The following KIAA1217 variants were observed in gnomAD, a reference collection of about 807,000 sequenced individuals.
The protein encoded by KIAA1217 is KIAA1217, also known as sickle tail protein homolog.
Under a neutral mutation model 163.9 loss-of-function variants are expected in KIAA1217, and 88 were observed. The ratio of observed to expected loss-of-function variants is 0.54; its 90% confidence interval spans 0.45 to 0.64. KIAA1217 has a LOEUF of 0.64. Among genes scored for constraint, KIAA1217 ranks in the 30% least tolerant of loss-of-function variants. The pLI is 0.00. For missense variants in KIAA1217, 2,372 were observed against 2,475.0 expected, an observed-to-expected ratio of 0.96 and a Z score of 0.88; for synonymous variants, 903 against 923.1, an observed-to-expected ratio of 0.98 and a Z score of 0.39.
intron 1 of KIAA1217, among the ~76,000 whole-genome samples, chr10:23,714,684 T>C (rs1837463178): frequency 6.6e-6 from 1 of 152,078 alleles, no homozygotes; most frequent in Non-Finnish European, 1.5e-5. Flanking sequence ...AGTCTTGAGG[T>C]CGTTTTTCTA....
chr10:23,820,935 T>C (rs12265872), intron 1 of KIAA1217, among the ~76,000 whole-genome samples: 1 of 152,150 alleles, frequency 6.6e-6, no homozygotes, highest in Non-Finnish European at 1.5e-5. Context: ...CAAGAGATAT[T>C]CCATTTGCAT....
chr10:24,181,906 A>G (rs1355234251), intron 2 of KIAA1217, among the ~76,000 whole-genome samples: 2 of 152,132 alleles, frequency 1.3e-5, no homozygotes, highest in Non-Finnish European at 1.5e-5. Flanking sequence ...GTTTTGGAGT[A>G]CCTACAGACC....
chr10:24,211,028 C>A (rs1011661130), intron 1 of KIAA1217, among the ~76,000 whole-genome samples: 1 of 151,740 alleles, frequency 6.6e-6, no homozygotes, highest in Non-Finnish European at 1.5e-5. Context: ...ATGTAAAGTG[C>A]ACATTTAACT....
intron 1 of KIAA1217, among the ~76,000 whole-genome samples, chr10:23,771,569 A>G (rs1428864056): frequency 2.6e-5 from 4 of 152,234 alleles, no homozygotes; most frequent in African/African-American, 7.2e-5. Flanking sequence ...ATGTTAAGGC[A>G]CAATAGAATT....
chr10:24,196,558 A>G lies in KIAA1217; in HGVS notation c.-170-23068A>G, dbSNP rs2066998536. On this transcript the variant is annotated intron_variant, in intron 2 of 18. Coordinates refer to the KIAA1217 transcript ENST00000376462. The stretch of plus-strand genomic sequence containing the variant: ...GAATGCTTTCATTGGAAATTCAGGA[A>G]AAAGTTTACACCTTGAAGAGGGCAA... Among the ~76,000 whole-genome samples the G allele has an allele frequency of 2.6e-5, 4 of 152,328 alleles. 1 individual carries two copies. In the South Asian group the frequency reaches 8.3e-4, roughly 32 times the overall value.
intron 1 of KIAA1217, among the ~76,000 whole-genome samples, chr10:23,979,354 T>C (rs1845670517): frequency 6.6e-6 from 1 of 152,194 alleles, no homozygotes; most frequent in Non-Finnish European, 1.5e-5. Flanking sequence ...CAAATCCTGC[T>C]GTGCTCCTTC....
intron 2 of KIAA1217, among the ~76,000 whole-genome samples, chr10:24,076,027 T>C (rs2061358658): frequency 6.6e-6 from 1 of 152,188 alleles, no homozygotes. Flanking sequence ...ATTCCAGGCA[T>C]CTGGAGCCAT....
intron 1 of KIAA1217, among the ~76,000 whole-genome samples, chr10:23,813,998 G>A (rs187603281): frequency 7.6e-4 from 115 of 152,280 alleles, no homozygotes; most frequent in African/African-American, 2.5e-3. Context: ...GAAGTCATAA[G>A]TTCTGACAAA....
chr10:24,022,665 T>C (rs1433554510), intron 2 of KIAA1217, among the ~76,000 whole-genome samples: 1 of 151,704 alleles, frequency 6.6e-6, no homozygotes, highest in East Asian at 1.9e-4. Context: ...CAAATAAATA[T>C]TTATGGCAGG....
At chr10:24,015,092 A>G (rs1847415060) in intron 2 of KIAA1217, among the ~76,000 whole-genome samples, 1 of 152,170 alleles carries the variant, frequency 6.6e-6, no homozygotes, top group Admixed American at 6.6e-5. Flanking sequence ...TGCTACAACC[A>G]TGCCACTCTT....
chr10:23,823,243 G>A (rs985749829), intron 1 of KIAA1217, among the ~76,000 whole-genome samples: 8 of 152,140 alleles, frequency 5.3e-5, no homozygotes, highest in South Asian at 2.1e-4. Context: ...AATTCGGTTC[G>A]TTACGGTTGT....
At chr10:24,124,560 T>C (rs1039298861) in intron 2 of KIAA1217, among the ~76,000 whole-genome samples, 18 of 152,176 alleles carry the variant, frequency 1.2e-4, no homozygotes, top group African/African-American at 4.1e-4. Context: ...CCATTAAGTA[T>C]GGTATTCTCT....
chr10:24,233,704 A>G (rs1405469166), intron 2 of KIAA1217, among the ~76,000 whole-genome samples: 1 of 152,238 alleles, frequency 6.6e-6, no homozygotes, highest in Non-Finnish European at 1.5e-5. Context: ...AATAAAATAC[A>G]CAATCAGTAT....
intron 2 of KIAA1217, among the ~76,000 whole-genome samples, chr10:24,287,945 C>T (rs1297275642): frequency 6.6e-6 from 1 of 152,156 alleles, no homozygotes; most frequent in Non-Finnish European, 1.5e-5. Context: ...CCTTTAGTAG[C>T]CACCAGGGAG....
intron 6 of KIAA1217, among the ~76,000 whole-genome samples, chr10:24,486,016 A>T (rs1006232635): frequency 6.6e-6 from 1 of 152,158 alleles, no homozygotes; most frequent in Non-Finnish European, 1.5e-5. Context: ...TGTCTCCCCA[A>T]CCCTGCGTTT....
chr10:24,464,035 A>G (rs539316891), intron 5 of KIAA1217, among the ~76,000 whole-genome samples: 5 of 152,294 alleles, frequency 3.3e-5, no homozygotes, highest in African/African-American at 9.6e-5. Context: ...AGCCTGAAAG[A>G]GCCCTTCTCT....
At chr10:24,182,437 A>ACCACACACAC (rs755699331) in intron 2 of KIAA1217, among the ~76,000 whole-genome samples, 10,271 of 108,558 alleles carry the variant, frequency 0.095, 1,012 homozygotes, top group African/African-American at 0.27. Context: ...GCAAGACTCC[A>ACCACACACAC]TCACACACAC....
At chr10:23,699,662 T>C (rs1836295239) in intron 1 of KIAA1217, among the ~76,000 whole-genome samples, 1 of 152,168 alleles carries the variant, frequency 6.6e-6, no homozygotes, top group Non-Finnish European at 1.5e-5. Flanking sequence ...TTTCTCTTTG[T>C]CACCCAGGCT....
intron 1 of KIAA1217, among the ~76,000 whole-genome samples, chr10:23,823,616 G>A (rs1028074427): frequency 2.0e-5 from 3 of 152,150 alleles, no homozygotes; most frequent in Admixed American, 6.6e-5. Context: ...GGATTAGGGC[G>A]TGGATATGTT....
Sources: allele counts gnomAD v4.1 joint callset (sites outside exome capture counted in the v4.1 genomes callset), GRCh38; gene constraint gnomAD v4.1.1; transcripts MANE v1.5; gene names NCBI Gene and HGNC (gene_info 2026-07-23, HGNC 2026-07-21).